NOL4L: variants seen among roughly 807,000 people sequenced by gnomAD.
NOL4L encodes nucleolar protein 4-like.
NOL4L carries 7 observed loss-of-function variants against 64.5 expected under a neutral mutation model. The ratio of observed to expected loss-of-function variants is 0.11; its 90% CI spans 0.06 to 0.20. The LOEUF (loss-of-function observed/expected upper bound fraction) is 0.20, where lower values mean the gene tolerates loss of function less well. NOL4L is among the 10% of genes least tolerant of loss of function. The pLI is 1.00. For missense variants in NOL4L, 680 were observed against 967.1 expected, an observed-to-expected ratio of 0.70 and a Z score of 3.94; for synonymous variants, 413 against 401.0, an observed-to-expected ratio of 1.03 and a Z score of -0.36.
At chr20:32,558,444 G>A (rs1206295314) in intron 1 of NOL4L, among the ~76,000 whole-genome samples, 1 of 152,196 alleles carries the variant, frequency 6.6e-6, no homozygotes, top group African/African-American at 2.4e-5. Flanking sequence ...GCTCACAAAA[G>A]TCCAAGGGGC....
At chr20:32,555,962 C>T (rs73906155) in intron 1 of NOL4L, among the ~76,000 whole-genome samples, 2,636 of 152,184 alleles carry the variant, frequency 0.017, 52 homozygotes, top group African/African-American at 0.059. Context: ...CTTTCCTTCA[C>T]GGCGCCTCTC....
rs2018632685 is a variant in NOL4L, at chr20:32,540,369, A to T, written c.322-12456T>A. On this transcript the variant is annotated intron_variant, in intron 1 of 10. Coordinates refer to ENST00000621426, the MANE Select transcript of NOL4L (RefSeq NM_001256798.2). Reference sequence around the variant, plus strand: ...GTGACTGTCACACACAGTTAAGGTCACAGAGACATGGACATAGCCTCACAC... The same window carrying T: ...GTGACTGTCACACACAGTTAAGGTCTCAGAGACATGGACATAGCCTCACAC... 2.0e-5 allele frequency among the ~76,000 whole-genome samples: 3 copies of T among 152,228 alleles called. No homozygotes were observed. The South Asian group carries it at 6.2e-4, about 32-fold the overall frequency.
At chr20:32,516,352 T>C (rs1200887172) in intron 3 of NOL4L, among the ~76,000 whole-genome samples, 1 of 151,766 alleles carries the variant, frequency 6.6e-6, no homozygotes, top group African/African-American at 2.4e-5. Context: ...GGAGTGCTGA[T>C]GTGCATGCTA....
At chr20:32,542,030 C>G (rs540883002) in intron 1 of NOL4L, among the ~76,000 whole-genome samples, 1 of 152,338 alleles carries the variant, frequency 6.6e-6, no homozygotes, top group African/African-American at 2.4e-5. Flanking sequence ...CTGAGGCTGT[C>G]TGGACAGGCG....
intron 1 of NOL4L, among the ~76,000 whole-genome samples, chr20:32,583,626 G>T (rs1980652138): frequency 6.7e-6 from 1 of 150,070 alleles, no homozygotes; most frequent in African/African-American, 2.4e-5. Flanking sequence ...TCAAAGCTCA[G>T]CAGCGCCCCG....
chr20:32,553,960 C>A (rs1381566385), intron 1 of NOL4L, among the ~76,000 whole-genome samples: 2 of 152,184 alleles, frequency 1.3e-5, no homozygotes, highest in Non-Finnish European at 2.9e-5. Context: ...TCTGGACTAT[C>A]TTTGCAACTT....
At position 32,451,050 on chromosome 20, in the gene NOL4L, T is replaced by G. The variant is rs894695071; in HGVS notation, c.1822+1186A>C. Among the ~76,000 whole-genome samples, 9 of 152,086 alleles carry G rather than the reference T, an allele frequency of 5.9e-5. No individual in the cohort carries two copies. The South Asian group carries it at 1.9e-3, about 32-fold the overall frequency. ...CTTCCTGCCATGGGTGGGGACTAGC[T>G]CCCTCCCTTGCTGCCCAGGAACAGT... On this transcript the variant is annotated intron_variant, in intron 10 of 10. Transcript: ENST00000621426.
chr20:32,459,246 CTTT>C (rs371056802), intron 5 of NOL4L, among the ~76,000 whole-genome samples: 12,809 of 140,176 alleles, frequency 0.091, 865 homozygotes, highest in African/African-American at 0.2. Context: ...ACATGGTTTA[CTTT>C]TTTTTTTTTT....
intron 4 of NOL4L, among the ~76,000 whole-genome samples, chr20:32,477,140 C>T (rs917023078): frequency 6.6e-6 from 1 of 152,208 alleles, no homozygotes; most frequent in Admixed American, 6.5e-5. Context: ...ACACTCTGGC[C>T]TCTCTCAGCC....
At chr20:32,539,692 G>A (rs2018619340) in intron 1 of NOL4L, among the ~76,000 whole-genome samples, 1 of 152,086 alleles carries the variant, frequency 6.6e-6, no homozygotes, top group South Asian at 2.1e-4. Flanking sequence ...CTTCTTAACT[G>A]GTGATCTTGG....
At chr20:32,554,136 G>T (rs185898264) in intron 1 of NOL4L, among the ~76,000 whole-genome samples, 21 of 151,996 alleles carry the variant, frequency 1.4e-4, no homozygotes, top group African/African-American at 2.2e-4. Context: ...CTGGCTAACA[G>T]GGTGAAACCC....
chr20:32,548,171 G>A (rs1470815265), intron 1 of NOL4L, among the ~76,000 whole-genome samples: 3 of 152,182 alleles, frequency 2.0e-5, no homozygotes, highest in African/African-American at 7.2e-5. Flanking sequence ...GTTGCCCAAA[G>A]ACAGGTGGGA....
At chr20:32,502,564 A>G (rs573376773) in intron 4 of NOL4L, among the ~76,000 whole-genome samples, 6 of 150,798 alleles carry the variant, frequency 4.0e-5, no homozygotes, top group African/African-American at 1.2e-4. Flanking sequence ...ACTCCAGCCT[A>G]GGTGACGGTG....
intron 1 of NOL4L, among the ~76,000 whole-genome samples, chr20:32,583,435 C>T (rs1980629144): frequency 1.4e-5 from 2 of 140,592 alleles, no homozygotes; most frequent in Admixed American, 1.4e-4. Flanking sequence ...GCGGGCGGGC[C>T]GGCCGGGGGA....
At chr20:32,475,371 C>T (rs962339117) in intron 4 of NOL4L, 39 of 984,342 alleles carry the variant, frequency 4.0e-5, no homozygotes, top group Non-Finnish European at 4.7e-5. Flanking sequence ...AGGAAGGGGG[C>T]GGGGCAGGCC....
At chr20:32,488,952 T>C in intron 4 of NOL4L, among the ~76,000 whole-genome samples, 1 of 145,868 alleles carries the variant, frequency 6.9e-6, no homozygotes, top group Non-Finnish European at 1.5e-5. Context: ...ATTTCTCTAT[T>C]TGAATTGTTG....
At chr20:32,582,639 TAAG>T (rs1980552327) in intron 1 of NOL4L, among the ~76,000 whole-genome samples, 1 of 123,130 alleles carries the variant, frequency 8.1e-6, no homozygotes, top group African/African-American at 3.2e-5. Context: ...TGCCTCAGAC[TAAG>T]AAGGTTGGGC....
At chr20:32,469,839 G>A (rs1176631053) in intron 5 of NOL4L, among the ~76,000 whole-genome samples, 1 of 152,226 alleles carries the variant, frequency 6.6e-6, no homozygotes, top group Non-Finnish European at 1.5e-5. Flanking sequence ...CCAGGGAGGT[G>A]GGGACAGGGC....
intron 4 of NOL4L, among the ~76,000 whole-genome samples, chr20:32,488,747 TTTCC>T (rs1206813375): frequency 0.02 from 2,181 of 106,752 alleles, 101 homozygotes; most frequent in Non-Finnish European, 0.025. Context: ...CTTTCTTTCT[TTTCC>T]TTCCTTCCTT....
Sources: gnomAD v4.1 joint callset for allele counts (sites outside exome capture counted in the v4.1 genomes callset) on GRCh38, gnomAD v4.1.1 for gene constraint, MANE v1.5 for transcripts, NCBI Gene and HGNC (gene_info 2026-07-23, HGNC 2026-07-21) for gene names.